RXFP1: variants seen among roughly 807,000 people sequenced by gnomAD.
RXFP1 encodes the protein relaxin family peptide receptor 1, also known as relaxin receptor 1.
In RXFP1, 73 loss-of-function variants were observed where a neutral mutation model predicts 89.8. The ratio of observed to expected loss-of-function variants is 0.81; its 90% CI spans 0.67 to 0.99. The LOEUF (loss-of-function observed/expected upper bound fraction) is 0.99, where lower values mean the gene tolerates loss of function less well. Among genes scored for constraint, RXFP1 ranks in the 50% least tolerant of loss-of-function variants. The pLI is 0.00. For synonymous variants in RXFP1, 277 were observed against 305.5 expected (o/e 0.91, Z 0.97); for missense variants, 793 against 895.5 (o/e 0.89, Z 1.46).
intron 16 of RXFP1, among the ~76,000 whole-genome samples, 180 bp from the exon 17 acceptor site, chr4:158,648,319 A>T (rs1771962811): frequency 6.6e-6 from 1 of 152,234 alleles, no homozygotes; most frequent in Admixed American, 6.5e-5. Context: ...ATCTCAAAAA[A>T]ATTCATGATT....
chr4:158,644,588 C>A (rs66805156), intron 14 of RXFP1, among the ~76,000 whole-genome samples: 26,142 of 152,126 alleles, frequency 0.17, 2,810 homozygotes, highest in African/African-American at 0.28. Context: ...GTATACTAAC[C>A]ATTGCGAGTA....
chr4:158,548,382 G>A (rs545279493), intron 1 of RXFP1, among the ~76,000 whole-genome samples: 341 of 152,324 alleles, frequency 2.2e-3, no homozygotes, highest in African/African-American at 7.9e-3. Flanking sequence ...ACAGCACACT[G>A]ATGGGTCTGG....
chr4:158,559,507 G>A (rs546307483), intron 1 of RXFP1, among the ~76,000 whole-genome samples: 87 of 152,184 alleles, frequency 5.7e-4, no homozygotes, highest in African/African-American at 1.5e-3. Flanking sequence ...CCCCTGCCCC[G>A]CTGCATTGAT....
At chr4:158,606,541 A>G (rs757440239) in intron 5 of RXFP1, among the ~76,000 whole-genome samples, 5 of 152,148 alleles carry the variant, frequency 3.3e-5, no homozygotes, top group Non-Finnish European at 7.4e-5. Context: ...ACCATTCATT[A>G]CCTACTACAT....
chr4:158,635,851 T>G (rs1374270889), intron 12 of RXFP1, among the ~76,000 whole-genome samples: 1 of 151,492 alleles, frequency 6.6e-6, no homozygotes, highest in African/African-American at 2.4e-5. Flanking sequence ...ATTTCCTCTT[T>G]TTTTTTAATT....
chr4:158,623,816 T>C (rs942865190), intron 9 of RXFP1, among the ~76,000 whole-genome samples: 2 of 152,216 alleles, frequency 1.3e-5, no homozygotes, highest in Non-Finnish European at 1.5e-5. Flanking sequence ...TCCTTTCTTT[T>C]CCTTCTTTAT....
chr4:158,572,263 G>A (rs1755244014), intron 1 of RXFP1, among the ~76,000 whole-genome samples: 1 of 152,202 alleles, frequency 6.6e-6, no homozygotes, highest in African/African-American at 2.4e-5. Flanking sequence ...ATCTCAGGGT[G>A]AGACAATGAA....
rs762035266 is a variant in RXFP1, at chr4:158,599,443, A to G, written c.392+12A>G. The G allele has an allele frequency of 6.2e-7, 1 of 1,608,230 alleles. No individual in the cohort carries two copies. Among genetic ancestry groups the G allele is most frequent in the Non-Finnish European group, 8.5e-7 (1 of 1,175,778 alleles). On this transcript the variant is annotated intron_variant, in intron 4 of 17. Transcript: ENST00000307765. ...AATGTGACTGCAATGTAAGTAGAAA[A>G]GAATTACTTCATCCTGACAGCTGGG...
chr4:158,594,342 C>G (rs1281065060), intron 3 of RXFP1, among the ~76,000 whole-genome samples: 3 of 152,168 alleles, frequency 2.0e-5, no homozygotes, highest in Non-Finnish European at 4.4e-5. Context: ...GCGTCCTCAG[C>G]CCTACCCTCA....
At chr4:158,614,244 A>G (rs1360959685) in intron 8 of RXFP1, among the ~76,000 whole-genome samples, 1 of 152,142 alleles carries the variant, frequency 6.6e-6, no homozygotes. Context: ...GTTGACTTCC[A>G]CTTAAAGTCA....
Position 158,626,863 on chromosome 4 carries a change from T to G in RXFP1, c.799T>G (p.Phe267Val). Residue 267 changes from phenylalanine (F) to valine (V), a missense_variant, in exon 10 of 18, where the codon TTT becomes GTT. Coordinates refer to ENST00000307765, the MANE Select transcript of RXFP1 (RefSeq NM_021634.4). ...NHIHNLRNLTFISCSNLTVLV... is the reference protein window; with the variant it reads ...NHIHNLRNLTVISCSNLTVLV... ...TATCCATAATTTAAGAAATTTGACTTTTATTTCCTGCAGTAATTTAACTGT... is the reference window on the plus strand; with the variant it reads ...TATCCATAATTTAAGAAATTTGACTGTTATTTCCTGCAGTAATTTAACTGT... 6.4e-7 allele frequency: 1 copy of G among 1,555,110 alleles called. No individual in the cohort carries two copies. Among genetic ancestry groups the G allele is most frequent in the Middle Eastern group, 1.7e-4 (1 of 5,934 alleles).
At chr4:158,540,237 C>T (rs1231973124) in intron 1 of RXFP1, among the ~76,000 whole-genome samples, 1 of 152,090 alleles carries the variant, frequency 6.6e-6, no homozygotes, top group East Asian at 1.9e-4. Flanking sequence ...GGCTGCTCAG[C>T]AGCTTATACT....
intron 3 of RXFP1, 25 bp from the exon 4 acceptor site, chr4:158,599,301 G>T: frequency 1.9e-6 from 3 of 1,613,274 alleles, no homozygotes; most frequent in Non-Finnish European, 2.5e-6. Flanking sequence ...CTGTCATCAT[G>T]CCTTACCACT....
At chr4:158,617,051 G>T (rs986198753) in intron 8 of RXFP1, 80 bp from the exon 9 acceptor site, 8 of 954,302 alleles carry the variant, frequency 8.4e-6, no homozygotes, top group Middle Eastern at 2.2e-4. Context: ...GGTTTCATAA[G>T]AATAATAATA....
intron 6 of RXFP1, among the ~76,000 whole-genome samples, chr4:158,608,383 G>A (rs1762933551): frequency 7.3e-6 from 1 of 137,682 alleles, no homozygotes; most frequent in Non-Finnish European, 1.5e-5. Context: ...CGCCTTCCAG[G>A]TTCAAGCAAT....
intron 2 of RXFP1, among the ~76,000 whole-genome samples, chr4:158,576,114 A>G (rs929387046): frequency 6.6e-6 from 1 of 152,206 alleles, no homozygotes; most frequent in African/African-American, 2.4e-5. Flanking sequence ...CACTCTTATA[A>G]AGACATGTCT....
intron 1 of RXFP1, among the ~76,000 whole-genome samples, chr4:158,536,540 T>G (rs1745317984): frequency 6.6e-6 from 1 of 152,152 alleles, no homozygotes; most frequent in Non-Finnish European, 1.5e-5. Flanking sequence ...AGAACATCTT[T>G]AAAATAAGAA....
At chr4:158,560,911 C>G (rs1752303838) in intron 1 of RXFP1, among the ~76,000 whole-genome samples, 1 of 152,126 alleles carries the variant, frequency 6.6e-6, no homozygotes, top group Admixed American at 6.5e-5. Flanking sequence ...ATTTTGCTTT[C>G]CAACTTCTTT....
At position 158,628,695 on chromosome 4, in the gene RXFP1, G is replaced by A; in HGVS notation, c.885G>A (p.Gln295=). The A allele has an allele frequency of 1.9e-6, 3 of 1,568,338 alleles. No homozygotes were observed. The highest frequency in any genetic ancestry group is 1.8e-6 in the Non-Finnish European group (2 of 1,142,490). ...ATGAAAATACTTTTGCACCTCTCCAGAAACTGGATGAATTGTAAGTATGAC... is the reference window on the plus strand; with the variant it reads ...ATGAAAATACTTTTGCACCTCTCCAAAAACTGGATGAATTGTAAGTATGAC... ...HLNENTFAPL[Q]KLDELDLGSN... is the part of the protein sequence containing the mutation. The change falls in exon 11 of 18, where the codon CAG becomes CAA. Residue 295 remains glutamine (Q), a synonymous_variant. Transcript: ENST00000307765.
Sources: allele counts gnomAD v4.1 joint callset (sites outside exome capture counted in the v4.1 genomes callset), GRCh38; gene constraint gnomAD v4.1.1; transcripts MANE v1.5; gene names NCBI Gene and HGNC (gene_info 2026-07-23, HGNC 2026-07-21).